ST3GAL6: variants seen among roughly 807,000 people sequenced by gnomAD.
The protein encoded by ST3GAL6 is type 2 lactosamine alpha-2,3-sialyltransferase.
ST3GAL6 carries 31 observed loss-of-function variants against 40.5 expected under a neutral mutation model. The ratio of observed to expected loss-of-function variants is 0.77; its 90% CI spans 0.58 to 1.03. The LOEUF (loss-of-function observed/expected upper bound fraction) is 1.03. Among genes scored for constraint, ST3GAL6 ranks in the 50% least tolerant of loss-of-function variants. The pLI, the probability that ST3GAL6 is intolerant of heterozygous loss-of-function variation, is 0.00. For missense variants in ST3GAL6, 357 were observed against 393.2 expected, an observed-to-expected ratio of 0.91 and a Z score of 0.78; for synonymous variants, 129 against 136.9, an observed-to-expected ratio of 0.94 and a Z score of 0.40.
intron 5 of ST3GAL6, among the ~76,000 whole-genome samples, chr3:98,778,513 C>T (rs555779199): frequency 2.0e-5 from 3 of 152,330 alleles, no homozygotes; most frequent in Admixed American, 6.5e-5. Context: ...TGCGATTCTA[C>T]ATCAACAGAG....
chr3:98,779,532 C>T (rs1156619124), intron 5 of ST3GAL6, among the ~76,000 whole-genome samples: 2 of 152,200 alleles, frequency 1.3e-5, no homozygotes, highest in Admixed American at 1.3e-4. Context: ...AAATAAAACA[C>T]ATCATAGATC....
At position 98,770,807 on chromosome 3, in the gene ST3GAL6, C is replaced by T. The variant is rs1029392335; in HGVS notation, c.90-72C>T. ...TCTCAGTGGTGGCATGAATGAGTTC[C>T]CAGGGCATTTGCTTCCCTTTGGGCA... On this transcript the variant is annotated intron_variant, in intron 2 of 9. Coordinates refer to ENST00000483910, the MANE Select transcript of ST3GAL6 (RefSeq NM_001323368.2). 3 of 1,327,744 alleles carry T rather than the reference C, an allele frequency of 2.3e-6. No individual in the cohort carries two copies. The African/African-American group carries it at 4.4e-5, about 19-fold the overall frequency. 82.2% of individuals were successfully genotyped at this position (1,327,744 alleles called of 1,614,324 possible). A position where few individuals can be genotyped will look rare whatever the true frequency, so the allele number is the denominator to read the frequency against.
chr3:98,768,716 AC>A (rs1938641618), intron 2 of ST3GAL6, among the ~76,000 whole-genome samples, 187 bp downstream of exon 2: 1 of 152,178 alleles, frequency 6.6e-6, no homozygotes, highest in South Asian at 2.1e-4. Context: ...TTAAAAGTTG[AC>A]AAGCAACACC....
At chr3:98,752,553 C>G (rs1366495785) in intron 1 of ST3GAL6, among the ~76,000 whole-genome samples, 2 of 151,966 alleles carry the variant, frequency 1.3e-5, no homozygotes, top group African/African-American at 2.4e-5. Context: ...CTCACTGCAA[C>G]CTCCGCCTCC....
At chr3:98,734,890 T>C (rs1347201675) in intron 1 of ST3GAL6, among the ~76,000 whole-genome samples, 1 of 152,168 alleles carries the variant, frequency 6.6e-6, no homozygotes, top group African/African-American at 2.4e-5. Context: ...TGGAACCTTA[T>C]GGGAGAAGAC....
intron 5 of ST3GAL6, among the ~76,000 whole-genome samples, chr3:98,777,101 G>A (rs887098453): frequency 4.6e-5 from 7 of 152,162 alleles, no homozygotes; most frequent in African/African-American, 1.7e-4. Context: ...TGGTATGATG[G>A]CTGGAGTTCC....
intron 5 of ST3GAL6, among the ~76,000 whole-genome samples, chr3:98,780,512 G>A (rs915348926): frequency 1.3e-5 from 2 of 152,286 alleles, no homozygotes; most frequent in African/African-American, 2.4e-5. Context: ...ATATGGTGAC[G>A]TAGAGCTGCA....
At chr3:98,761,048 G>GA (rs1937705146), upstream of ST3GAL6, among the ~76,000 whole-genome samples, 1 of 152,112 alleles carries the variant, frequency 6.6e-6, no homozygotes, top group African/African-American at 2.4e-5. Context: ...GGCTGCTAGG[G>GA]GCCAGGAAGT....
intron 9 of ST3GAL6, 126 bp from the exon 10 acceptor site, chr3:98,793,549 C>T: frequency 1.8e-6 from 1 of 552,460 alleles, no homozygotes. Flanking sequence ...GTTAAAAGTA[C>T]ATGCAACTCG....
intron 6 of ST3GAL6, among the ~76,000 whole-genome samples, chr3:98,787,319 G>T (rs754181311): frequency 6.6e-6 from 1 of 152,128 alleles, no homozygotes; most frequent in Non-Finnish European, 1.5e-5. Flanking sequence ...CTTATATTAC[G>T]TAGAGTCAGT....
intron 5 of ST3GAL6, among the ~76,000 whole-genome samples, chr3:98,775,759 T>C (rs1258521098): frequency 2.0e-5 from 3 of 152,178 alleles, no homozygotes; most frequent in African/African-American, 7.2e-5. Context: ...CCTTTCCTCC[T>C]GTCACCAGAA....
chr3:98,748,414 G>A (rs1936723328), intron 1 of ST3GAL6, among the ~76,000 whole-genome samples: 1 of 152,046 alleles, frequency 6.6e-6, no homozygotes, highest in Non-Finnish European at 1.5e-5. Flanking sequence ...TGTGAAACCT[G>A]GAATGTAGTA....
intron 5 of ST3GAL6, among the ~76,000 whole-genome samples, chr3:98,774,283 C>A (rs1576099694): frequency 6.6e-6 from 1 of 152,106 alleles, no homozygotes; most frequent in Non-Finnish European, 1.5e-5. Flanking sequence ...AATTAGTTCA[C>A]CCCCTGCTAA....
At chr3:98,760,926 A>AT (rs1324957658), upstream of ST3GAL6, among the ~76,000 whole-genome samples, 3 of 152,216 alleles carry the variant, frequency 2.0e-5, no homozygotes, top group African/African-American at 7.2e-5. Context: ...CAACTTGAGC[A>AT]TTTTTTTAAA....
At chr3:98,785,326 A>G (rs1199921240) in intron 6 of ST3GAL6, among the ~76,000 whole-genome samples, 1 of 152,212 alleles carries the variant, frequency 6.6e-6, no homozygotes, top group Non-Finnish European at 1.5e-5. Context: ...GAAGAAAATG[A>G]GTAATTAAAT....
intron 5 of ST3GAL6, among the ~76,000 whole-genome samples, chr3:98,780,497 T>TA (rs1252170585): frequency 2.6e-5 from 4 of 152,188 alleles, no homozygotes; most frequent in Non-Finnish European, 5.9e-5. Context: ...ATGAAACTCC[T>TA]AAAAATATGG....
At chr3:98,756,417 A>G (rs1937423968) in intron 1 of ST3GAL6, 2 of 1,289,808 alleles carry the variant, frequency 1.6e-6, no homozygotes, top group African/African-American at 3.0e-5. Flanking sequence ...GATAATTTCT[A>G]ACAGAGAGGC....
intron 6 of ST3GAL6, among the ~76,000 whole-genome samples, chr3:98,786,684 G>T (rs1170455842): frequency 6.7e-6 from 1 of 150,118 alleles, no homozygotes; most frequent in African/African-American, 2.4e-5. Flanking sequence ...TGCAATCAGG[G>T]TTTTTTTTTT....
chr3:98,757,105 A>G (rs923323442), intron 1 of ST3GAL6, among the ~76,000 whole-genome samples: 3 of 152,192 alleles, frequency 2.0e-5, no homozygotes, highest in Non-Finnish European at 4.4e-5. Context: ...CTTTATTCTG[A>G]AAAAAGATCT....
Sources: gnomAD v4.1 joint callset for allele counts (sites outside exome capture counted in the v4.1 genomes callset) on GRCh38, gnomAD v4.1.1 for gene constraint, MANE v1.5 for transcripts, NCBI Gene and HGNC (gene_info 2026-07-23, HGNC 2026-07-21) for gene names.